Variants in R3HDM1 observed in about 807,000 individuals in gnomAD.
The protein encoded by R3HDM1 is R3H domain containing 1, also known as R3H domain-containing protein 1.
In R3HDM1, 46 loss-of-function variants were observed where a neutral mutation model predicts 141.1. The observed-to-expected ratio is 0.33, with a 90% CI of 0.26 to 0.42. The LOEUF (loss-of-function observed/expected upper bound fraction) is 0.42. Among genes scored for constraint, R3HDM1 ranks in the 10% least tolerant of loss-of-function variants. The probability of loss-of-function intolerance (pLI) is 1.00; values close to 1 mark genes in which losing one functional copy is unlikely to be tolerated. For synonymous variants in R3HDM1, 435 were observed against 472.9 expected (o/e 0.92, Z 1.04); for missense variants, 1,184 against 1,368.3 (o/e 0.87, Z 2.12).
chr2:135,699,398 AAG>A (rs901671595), intron 21 of R3HDM1, among the ~76,000 whole-genome samples: 5 of 152,218 alleles, frequency 3.3e-5, no homozygotes, highest in South Asian at 2.1e-4. Flanking sequence ...TGCAAGGGAC[AAG>A]AGAGAGAGTT....
intron 21 of R3HDM1, among the ~76,000 whole-genome samples, chr2:135,681,544 G>T (rs1416669653): frequency 1.3e-5 from 2 of 152,150 alleles, no homozygotes; most frequent in African/African-American, 4.8e-5. Context: ...ATTGATGGGT[G>T]GGAAAGTTGA....
intron 1 of R3HDM1, among the ~76,000 whole-genome samples, chr2:135,590,286 T>C (rs922647751): frequency 6.6e-6 from 1 of 152,172 alleles, no homozygotes; most frequent in Admixed American, 6.5e-5. Context: ...GACTGATTAC[T>C]AGGCACATCA....
At chr2:135,643,754 A>G (rs1305962465) in intron 15 of R3HDM1, among the ~76,000 whole-genome samples, 1 of 152,260 alleles carries the variant, frequency 6.6e-6, no homozygotes, top group Non-Finnish European at 1.5e-5. Flanking sequence ...AATGTGGTAC[A>G]TATACACCAT....
At chr2:135,590,359 C>CT (rs2105060004) in intron 1 of R3HDM1, among the ~76,000 whole-genome samples, 1 of 152,146 alleles carries the variant, frequency 6.6e-6, no homozygotes, top group East Asian at 1.9e-4. Context: ...TATTCCAGTA[C>CT]TTTCAGAATG....
chr2:135,545,784 T>C (rs1390691419), intron 1 of R3HDM1, among the ~76,000 whole-genome samples: 6 of 152,222 alleles, frequency 3.9e-5, no homozygotes, highest in African/African-American at 9.6e-5. Flanking sequence ...CACCAATCTT[T>C]AATCTCCATA....
At position 135,667,560 on chromosome 2, in the gene R3HDM1, T is replaced by C. The variant is rs183581017; in HGVS notation, c.2152+6167T>C. The C allele has an allele frequency of 2.2e-4, 171 of 788,492 alleles. No homozygotes were observed. In the African/African-American group the frequency reaches 2.9e-3, roughly 13 times the overall value. 48.8% of individuals were successfully genotyped at this position (788,492 alleles called of 1,614,324 possible). A position where few individuals can be genotyped will look rare whatever the true frequency, so the allele number is the denominator to read the frequency against. The stretch of plus-strand genomic sequence containing the variant: ...CTACTTTCCAGATTAAATTCAGATG[T>C]ATCACAGGAAGAATTTTTTTTAATT... On this transcript the variant is annotated intron_variant, in intron 19 of 26. Transcript: ENST00000683871.
chr2:135,688,796 T>G (rs1347213854), intron 21 of R3HDM1, among the ~76,000 whole-genome samples: 2 of 151,768 alleles, frequency 1.3e-5, no homozygotes, highest in Admixed American at 1.3e-4. Context: ...ATTAGCCAGG[T>G]GTGGTGGCGG....
rs2060142444 is a variant in R3HDM1, at chr2:135,607,115, A to G, written c.171+2099A>G. On this transcript the variant is annotated intron_variant, in intron 3 of 26. Transcript: ENST00000683871. ...GCAATTCTCCTGCCTCAGCCTCCCAAGTAGCTGGGACTACAGGCGTGCGCC... is the reference window on the plus strand; with the variant it reads ...GCAATTCTCCTGCCTCAGCCTCCCAGGTAGCTGGGACTACAGGCGTGCGCC... The G allele has an allele frequency of 1.9e-5, 3 of 156,932 alleles. No homozygotes were observed. In the Admixed American group the frequency reaches 2.0e-4, roughly 10 times the overall value. 9.7% of individuals were successfully genotyped at this position (156,932 alleles called of 1,614,324 possible). A position where few individuals can be genotyped will look rare whatever the true frequency, so the allele number is the denominator to read the frequency against.
chr2:135,597,019 C>T, intron 1 of R3HDM1: 1 of 984,218 alleles, frequency 1.0e-6, no homozygotes, highest in Non-Finnish European at 1.2e-6. Context: ...CCATTGTCTT[C>T]CCCATTTCTC....
At chr2:135,579,265 A>G (rs977457321) in intron 1 of R3HDM1, among the ~76,000 whole-genome samples, 2 of 152,270 alleles carry the variant, frequency 1.3e-5, no homozygotes, top group East Asian at 3.8e-4. Flanking sequence ...CCAATGGCCC[A>G]AAGTGGGATA....
intron 21 of R3HDM1, 94 bp downstream of exon 21, chr2:135,680,418 C>T: frequency 7.5e-7 from 1 of 1,335,432 alleles, no homozygotes. Context: ...AGGGGCATTA[C>T]TTGAGAACAT....
chr2:135,560,759 A>G (rs1403692270), intron 1 of R3HDM1, among the ~76,000 whole-genome samples: 1 of 152,186 alleles, frequency 6.6e-6, no homozygotes, highest in Non-Finnish European at 1.5e-5. Context: ...GGAACAGTAC[A>G]CTTCCCAGTC....
chr2:135,686,062 A>G (rs968276417), intron 21 of R3HDM1, among the ~76,000 whole-genome samples: 2 of 152,236 alleles, frequency 1.3e-5, no homozygotes, highest in African/African-American at 4.8e-5. Context: ...CAGGCCAGAG[A>G]AAGGATGCTT....
intron 11 of R3HDM1, among the ~76,000 whole-genome samples, chr2:135,637,052 G>A (rs992919292): frequency 1.3e-5 from 2 of 152,146 alleles, no homozygotes; most frequent in Non-Finnish European, 1.5e-5. Context: ...TGGCAGAGTT[G>A]GGATTTCAAC....
chr2:135,677,407 T>C (rs1033273841), intron 20 of R3HDM1, among the ~76,000 whole-genome samples: 6 of 152,158 alleles, frequency 3.9e-5, no homozygotes, highest in African/African-American at 1.4e-4. Context: ...TAAACAGGAT[T>C]GACACCAAGC....
At chr2:135,578,103 A>G (rs1705917434) in intron 1 of R3HDM1, among the ~76,000 whole-genome samples, 1 of 152,162 alleles carries the variant, frequency 6.6e-6, no homozygotes, top group Non-Finnish European at 1.5e-5. Flanking sequence ...TGTAATTGCA[A>G]AATATTGCAA....
At chr2:135,692,472 T>A (rs751653777) in intron 21 of R3HDM1, among the ~76,000 whole-genome samples, 6 of 152,032 alleles carry the variant, frequency 3.9e-5, no homozygotes, top group Non-Finnish European at 5.9e-5. Flanking sequence ...CATGCCTGTA[T>A]TCTCAGCTAC....
intron 9 of R3HDM1, among the ~76,000 whole-genome samples, chr2:135,632,711 C>T (rs13016806): frequency 1.3e-5 from 2 of 152,164 alleles, no homozygotes; most frequent in Non-Finnish European, 2.9e-5. Flanking sequence ...TAGCTGAGTT[C>T]AGCTGAAATT....
intron 1 of R3HDM1, chr2:135,597,001 TGA>T: frequency 1.0e-6 from 1 of 981,528 alleles, no homozygotes; most frequent in Non-Finnish European, 1.2e-6. Flanking sequence ...TCACAATGTA[TGA>T]GAGGCCCATT....
Sources: allele counts gnomAD v4.1 joint callset (sites outside exome capture counted in the v4.1 genomes callset), GRCh38; gene constraint gnomAD v4.1.1; transcripts MANE v1.5; gene names NCBI Gene and HGNC (gene_info 2026-07-23, HGNC 2026-07-21).